Variants in CTNNA3 observed in about 807,000 individuals in gnomAD.
CTNNA3 encodes catenin alpha-3.
A neutral mutation model predicts 95.7 loss-of-function variants in CTNNA3; 76 were observed. That is an observed-to-expected ratio of 0.79 (90% CI 0.66 to 0.96). The LOEUF is 0.96. Ranked by LOEUF, CTNNA3 falls within the 40% of genes least tolerant of loss-of-function variation. The probability of loss-of-function intolerance (pLI) is 0.00; values close to 1 mark genes in which losing one functional copy is unlikely to be tolerated. For synonymous variants in CTNNA3, 431 were observed against 374.4 expected (o/e 1.15, Z -1.74); for missense variants, 1,191 against 1,089.8 (o/e 1.09, Z -1.31).
At chr10:66,735,603 A>G (rs1177496601) in intron 9 of CTNNA3, among the ~76,000 whole-genome samples, 1 of 152,098 alleles carries the variant, frequency 6.6e-6, no homozygotes, top group Non-Finnish European at 1.5e-5. Flanking sequence ...ACTATGGGTC[A>G]GTCTTGTTTT....
At chr10:66,759,448 C>A (rs1839513746) in intron 9 of CTNNA3, among the ~76,000 whole-genome samples, 1 of 152,114 alleles carries the variant, frequency 6.6e-6, no homozygotes, top group Non-Finnish European at 1.5e-5. Context: ...GTCCACATTT[C>A]AAGATTTTCT....
intron 7 of CTNNA3, among the ~76,000 whole-genome samples, chr10:66,854,644 G>A (rs371224554): frequency 2.6e-5 from 4 of 151,966 alleles, no homozygotes; most frequent in African/African-American, 9.6e-5. Context: ...GTTAAGAAGA[G>A]TAAATTAAAT....
At chr10:67,576,551 ATT>A (rs1239228738) in intron 3 of CTNNA3, among the ~76,000 whole-genome samples, 5 of 150,804 alleles carry the variant, frequency 3.3e-5, no homozygotes, top group African/African-American at 1.2e-4. Flanking sequence ...TCTTTATTTT[ATT>A]TTATTTTATT....
intron 1 of CTNNA3, among the ~76,000 whole-genome samples, chr10:67,683,386 A>G (rs1422120523): frequency 6.6e-6 from 1 of 152,204 alleles, no homozygotes; most frequent in African/African-American, 2.4e-5. Flanking sequence ...CCAGACTAAG[A>G]ACTATGTCTG....
At chr10:66,128,710 ATGGTGTTT>A in intron 13 of CTNNA3, among the ~76,000 whole-genome samples, 1 of 152,170 alleles carries the variant, frequency 6.6e-6, no homozygotes, top group African/African-American at 2.4e-5. Context: ...TTACATTATG[ATGGTGTTT>A]AATGTCCAAA....
intron 15 of CTNNA3, among the ~76,000 whole-genome samples, chr10:66,030,520 A>G (rs1329399754): frequency 6.6e-6 from 1 of 152,204 alleles, no homozygotes; most frequent in Non-Finnish European, 1.5e-5. Flanking sequence ...GAAGAATGAA[A>G]CTGGATTCCT....
chr10:67,386,577 T>G (rs1309678297), intron 5 of CTNNA3, among the ~76,000 whole-genome samples: 1 of 151,892 alleles, frequency 6.6e-6, no homozygotes, highest in East Asian at 1.9e-4. Context: ...TGACAATAGA[T>G]CCTAGGGGGA....
chr10:66,513,910 A>G (rs12267504), intron 11 of CTNNA3, among the ~76,000 whole-genome samples: 4,819 of 152,132 alleles, frequency 0.032, 248 homozygotes, highest in African/African-American at 0.11. Context: ...TGGCACCATT[A>G]GGTTCAGCTG....
At chr10:66,274,267 AT>A (rs1292793000) in intron 13 of CTNNA3, among the ~76,000 whole-genome samples, 1 of 152,098 alleles carries the variant, frequency 6.6e-6, no homozygotes, top group African/African-American at 2.4e-5. Flanking sequence ...ATTTTATACC[AT>A]TTTCATGAGT....
chr10:67,088,754 C>CA (rs938853982), intron 7 of CTNNA3, among the ~76,000 whole-genome samples: 4 of 151,786 alleles, frequency 2.6e-5, no homozygotes, highest in African/African-American at 7.3e-5. Flanking sequence ...TATGTTCCTG[C>CA]AAAAAATATT....
At chr10:67,368,056 G>A (rs188696712) in intron 5 of CTNNA3, among the ~76,000 whole-genome samples, 136 of 152,000 alleles carry the variant, frequency 8.9e-4, no homozygotes, top group Middle Eastern at 6.8e-3. Flanking sequence ...GTGGGAAAAG[G>A]GCTTACAGAG....
chr10:67,154,239 T>A (rs996902234), intron 7 of CTNNA3, among the ~76,000 whole-genome samples: 1 of 152,322 alleles, frequency 6.6e-6, no homozygotes, highest in Non-Finnish European at 1.5e-5. Flanking sequence ...AAAATAAATA[T>A]ATGAATAACC....
At chr10:67,117,258 A>AT (rs1314399591) in intron 7 of CTNNA3, among the ~76,000 whole-genome samples, 1 of 151,764 alleles carries the variant, frequency 6.6e-6, no homozygotes, top group Non-Finnish European at 1.5e-5. Flanking sequence ...TGGCTCCAAT[A>AT]TTTAAAAAAA....
At chr10:67,671,336 TC>T (rs1484726521) in intron 1 of CTNNA3, among the ~76,000 whole-genome samples, 5 of 152,024 alleles carry the variant, frequency 3.3e-5, no homozygotes, top group Non-Finnish European at 7.4e-5. Context: ...CTTGATGACA[TC>T]CGTTATTAAC....
intron 13 of CTNNA3, among the ~76,000 whole-genome samples, chr10:66,242,606 G>C (rs1034370140): frequency 3.3e-5 from 5 of 152,194 alleles, no homozygotes; most frequent in African/African-American, 1.2e-4. Context: ...TTATAAGAGT[G>C]AGTAAAATCA....
intron 7 of CTNNA3, among the ~76,000 whole-genome samples, chr10:66,968,463 T>C (rs1275029193): frequency 6.6e-6 from 1 of 151,528 alleles, no homozygotes; most frequent in African/African-American, 2.4e-5. Flanking sequence ...AATACAATTT[T>C]AGAACCACAT....
rs147298761 is a variant in CTNNA3 at position 67,654,165 on chromosome 10, C to T, written c.-5-6647G>A. 7.9e-3 allele frequency among the ~76,000 whole-genome samples: 1,198 copies of T among 152,314 alleles called. 11 individuals carry two copies. Among genetic ancestry groups the T allele is most frequent in the South Asian group, 0.024 (117 of 4,832 alleles). On this transcript the variant is annotated intron_variant, in intron 1 of 17. Coordinates refer to ENST00000433211, the MANE Select transcript of CTNNA3 (RefSeq NM_013266.4). ...AGGTGAGCTCCACCTCCACCACCTCCTTCTAAAAGGAACCCAAGGATTCTA... is the reference window on the plus strand; with the variant it reads ...AGGTGAGCTCCACCTCCACCACCTCTTTCTAAAAGGAACCCAAGGATTCTA...
Position 67,341,783 on chromosome 10 carries a change from A to C in CTNNA3, c.580-121913T>G, listed in dbSNP as rs116139744. ...GAGAAACCTCAAAACTGTTCTCTAT[A>C]ATGGTTGTACTAATTTATAATCCCA... is the stretch of plus-strand genomic sequence containing the variant. On this transcript the variant is annotated intron_variant, in intron 5 of 17. Transcript: ENST00000433211. Among the ~76,000 whole-genome samples the C allele has an allele frequency of 8.0e-4, 121 of 152,028 alleles. 1 individual carries two copies. The highest frequency in any genetic ancestry group is 2.8e-3 in the African/African-American group (117 of 41,486).
At chr10:66,768,942 A>G (rs895242783) in intron 8 of CTNNA3, among the ~76,000 whole-genome samples, 1 of 152,266 alleles carries the variant, frequency 6.6e-6, no homozygotes, top group East Asian at 1.9e-4. Flanking sequence ...CTATGGTTTG[A>G]AGAGTGAATG....
Sources: gnomAD v4.1 joint callset for allele counts (sites outside exome capture counted in the v4.1 genomes callset) on GRCh38, gnomAD v4.1.1 for gene constraint, MANE v1.5 for transcripts, NCBI Gene and HGNC (gene_info 2026-07-23, HGNC 2026-07-21) for gene names.